Variants in SGK1 observed in about 807,000 individuals in gnomAD.
SGK1 encodes serine/threonine-protein kinase Sgk1.
SGK1 carries 26 observed loss-of-function variants against 64.2 expected under a neutral mutation model. The ratio of observed to expected loss-of-function variants is 0.40; its 90% CI spans 0.30 to 0.56. SGK1 has a LOEUF of 0.56. SGK1 is among the 20% of genes least tolerant of loss of function. The pLI, the probability that SGK1 is intolerant of heterozygous loss-of-function variation, is 0.38. For missense variants in SGK1, 519 were observed against 645.6 expected, an observed-to-expected ratio of 0.80 and a Z score of 2.12; for synonymous variants, 265 against 239.7, an observed-to-expected ratio of 1.11 and a Z score of -0.98.
chr6:134,252,916 G>T (rs534278894), intron 2 of SGK1, among the ~76,000 whole-genome samples: 4 of 151,974 alleles, frequency 2.6e-5, no homozygotes, highest in African/African-American at 4.8e-5. Context: ...AATTTTTTTT[G>T]ATATAAATTA....
At chr6:134,287,917 C>T (rs1194478484) in intron 1 of SGK1, among the ~76,000 whole-genome samples, 2 of 152,016 alleles carry the variant, frequency 1.3e-5, no homozygotes, top group Non-Finnish European at 2.9e-5. Flanking sequence ...TGTTGGCAAG[C>T]AGAAATGAGT....
chr6:134,254,128 C>CAAA (rs772602600), intron 2 of SGK1, among the ~76,000 whole-genome samples: 5 of 88,372 alleles, frequency 5.7e-5, no homozygotes, highest in African/African-American at 2.0e-4. Context: ...TTTTTTTTTT[C>CAAA]AAAAAAAAAA....
At chr6:134,228,484 G>C (rs1776222779) in intron 2 of SGK1, among the ~76,000 whole-genome samples, 1 of 152,144 alleles carries the variant, frequency 6.6e-6, no homozygotes, top group African/African-American at 2.4e-5. Flanking sequence ...GAATAAACAA[G>C]TATTTCTAAT....
At chr6:134,184,364 G>A (rs779965394) in intron 3 of SGK1, among the ~76,000 whole-genome samples, 4 of 151,810 alleles carry the variant, frequency 2.6e-5, no homozygotes, top group African/African-American at 7.3e-5. Flanking sequence ...AATTAGCTGG[G>A]CGTGGTGGTG....
At chr6:134,172,166 C>A (rs770842043) in intron 10 of SGK1, 27 bp downstream of exon 10, 3 of 1,609,104 alleles carry the variant, frequency 1.9e-6, no homozygotes, top group Non-Finnish European at 2.5e-6. Context: ...GGGGGTAAAC[C>A]AGGCACCAAA....
intron 2 of SGK1, among the ~76,000 whole-genome samples, chr6:134,251,114 T>C (rs1181005859): frequency 6.6e-6 from 1 of 152,146 alleles, no homozygotes; most frequent in Non-Finnish European, 1.5e-5. Flanking sequence ...TTGTTCTTTG[T>C]AGAGTAGTTT....
intron 2 of SGK1, among the ~76,000 whole-genome samples, chr6:134,242,978 A>G (rs769622534): frequency 1.8e-4 from 28 of 152,134 alleles, no homozygotes; most frequent in Non-Finnish European, 4.0e-4. Flanking sequence ...TATAGAAAAT[A>G]TAGAATCAAT....
chr6:134,287,556 T>C (rs898213249), intron 1 of SGK1, among the ~76,000 whole-genome samples: 4 of 151,446 alleles, frequency 2.6e-5, no homozygotes, highest in African/African-American at 9.6e-5. Flanking sequence ...TTTTGGATTG[T>C]ATTTATTTTT....
chr6:134,180,040 A>G (rs1298711662), intron 3 of SGK1, among the ~76,000 whole-genome samples: 1 of 152,048 alleles, frequency 6.6e-6, no homozygotes, highest in Admixed American at 6.5e-5. Flanking sequence ...TGCAGCCTCA[A>G]CCTCCTGGGT....
intron 3 of SGK1, among the ~76,000 whole-genome samples, chr6:134,202,686 A>G (rs1361686428): frequency 1.3e-5 from 2 of 152,132 alleles, no homozygotes; most frequent in Non-Finnish European, 1.5e-5. Context: ...GAAATCCTAA[A>G]GGAAAATTTC....
At chr6:134,299,189 TA>T (rs1455232658) in intron 1 of SGK1, among the ~76,000 whole-genome samples, 1 of 130,918 alleles carries the variant, frequency 7.6e-6, no homozygotes, top group African/African-American at 2.9e-5. Context: ...ACCTCATCCT[TA>T]CAAAAAAATT....
chr6:134,222,168 G>C (rs1386555551), intron 2 of SGK1, among the ~76,000 whole-genome samples: 1 of 152,056 alleles, frequency 6.6e-6, no homozygotes, highest in Admixed American at 6.6e-5. Context: ...TCAGAGTAGG[G>C]GGTGCCTCTT....
chr6:134,302,701 C>T (rs960673517), intron 1 of SGK1, among the ~76,000 whole-genome samples: 2 of 151,982 alleles, frequency 1.3e-5, no homozygotes, highest in African/African-American at 4.8e-5. Context: ...ACTTTACATG[C>T]GTTAGGTCAT....
At chr6:134,248,013 T>G (rs754629855) in intron 2 of SGK1, among the ~76,000 whole-genome samples, 1 of 151,964 alleles carries the variant, frequency 6.6e-6, no homozygotes, top group Non-Finnish European at 1.5e-5. Context: ...AACGGCCAAG[T>G]TCTCACAGCT....
In SGK1 at chr6:134,303,876, C is replaced by T. The variant is rs564031092; in HGVS notation, c.69+13516G>A. Reference sequence around the variant, plus strand: ...CATATTGAGAGGTGAAGTTTATTTTCCTTCCCCTTGAATCTGGGCTGGCCC... The same window carrying T: ...CATATTGAGAGGTGAAGTTTATTTTTCTTCCCCTTGAATCTGGGCTGGCCC... On this transcript the variant is annotated intron_variant, in intron 1 of 13. Transcript: ENST00000367858. 9.2e-5 allele frequency among the ~76,000 whole-genome samples: 14 copies of T among 152,096 alleles called. No homozygotes were observed. In the South Asian group the frequency reaches 2.7e-3, roughly 29 times the overall value.
intron 2 of SGK1, among the ~76,000 whole-genome samples, chr6:134,219,454 G>T (rs1313977062): frequency 1.3e-5 from 2 of 152,020 alleles, no homozygotes; most frequent in African/African-American, 4.8e-5. Flanking sequence ...TAGATTGTTT[G>T]CATTCTATAT....
At position 134,206,747 on chromosome 6, in the gene SGK1, G is replaced by A. The variant is rs564424117; in HGVS notation, c.361+609C>T. Among the ~76,000 whole-genome samples the A allele has an allele frequency of 7.9e-5, 12 of 151,066 alleles. No individual in the cohort carries two copies. The East Asian group carries it at 9.8e-4, about 12-fold the overall frequency. ...CCAGGCATGGTGGCTCATGCCTGTA[G>A]TCCCAGCTACTTGGGGGGCTGAAGC... On this transcript the variant is annotated intron_variant, in intron 3 of 13. Transcript: ENST00000367858.
At chr6:134,295,574 C>T (rs79158158) in intron 1 of SGK1, among the ~76,000 whole-genome samples, 3,691 of 152,186 alleles carry the variant, frequency 0.024, 68 homozygotes, top group East Asian at 0.08. Flanking sequence ...CATGGTGGTG[C>T]GTGCCTGTAA....
chr6:134,210,144 T>G (rs59872743), intron 2 of SGK1, among the ~76,000 whole-genome samples: 14,217 of 152,248 alleles, frequency 0.093, 913 homozygotes, highest in East Asian at 0.24. Context: ...ACAGCCAAGA[T>G]GAGGAAGCAA....
Sources: allele counts gnomAD v4.1 joint callset (sites outside exome capture counted in the v4.1 genomes callset), GRCh38; gene constraint gnomAD v4.1.1; transcripts MANE v1.5; gene names NCBI Gene and HGNC (gene_info 2026-07-23, HGNC 2026-07-21).